SDK1: variants seen among roughly 807,000 people sequenced by gnomAD.
SDK1 encodes sidekick cell adhesion molecule 1.
A neutral mutation model predicts 245.5 loss-of-function variants in SDK1; 157 were observed. That is an observed-to-expected ratio of 0.64 (90% confidence interval 0.56 to 0.73). The LOEUF is 0.73. Among genes scored for constraint, SDK1 ranks in the 30% least tolerant of loss-of-function variants. The pLI is 0.00. For missense variants in SDK1, 3,583 were observed against 3,002.3 expected (o/e 1.19, Z -4.52); for synonymous variants, 1,647 against 1,278.5 (o/e 1.29, Z -6.15).
chr7:4,098,904 C>A (rs926538675), intron 22 of SDK1, among the ~76,000 whole-genome samples: 1 of 140,288 alleles, frequency 7.1e-6, no homozygotes, highest in African/African-American at 2.7e-5. Context: ...AATTCCTGAG[C>A]TCAAGCGATC....
At chr7:3,900,594 C>T (rs994389372) in intron 5 of SDK1, among the ~76,000 whole-genome samples, 1 of 152,158 alleles carries the variant, frequency 6.6e-6, no homozygotes, top group African/African-American at 2.4e-5. Flanking sequence ...TTTACCCTCC[C>T]TCTCTTTTTC....
At chr7:3,845,863 G>A (rs150928709) in intron 5 of SDK1, among the ~76,000 whole-genome samples, 19 of 152,298 alleles carry the variant, frequency 1.2e-4, no homozygotes, top group African/African-American at 4.3e-4. Flanking sequence ...TGAATTGGCA[G>A]CATAAACAGA....
At chr7:3,878,888 A>G (rs1427802581) in intron 5 of SDK1, among the ~76,000 whole-genome samples, 1 of 152,196 alleles carries the variant, frequency 6.6e-6, no homozygotes, top group Non-Finnish European at 1.5e-5. Flanking sequence ...ACAAATCTCA[A>G]CTGAATGAAC....
intron 13 of SDK1, among the ~76,000 whole-genome samples, chr7:3,985,435 T>C (rs1019007719): frequency 6.6e-6 from 1 of 152,186 alleles, no homozygotes; most frequent in African/African-American, 2.4e-5. Context: ...AGGAGTAGAA[T>C]TGATAACTGG....
chr7:3,443,513 A>G (rs184563771), intron 1 of SDK1, among the ~76,000 whole-genome samples: 24 of 152,292 alleles, frequency 1.6e-4, no homozygotes, highest in African/African-American at 5.5e-4. Flanking sequence ...AGATGATGTG[A>G]TCTGATTTTG....
At chr7:3,896,146 A>G (rs1781599507) in intron 5 of SDK1, among the ~76,000 whole-genome samples, 1 of 152,098 alleles carries the variant, frequency 6.6e-6, no homozygotes. Flanking sequence ...AGTTTTAAAG[A>G]CATTTTAAAA....
chr7:3,712,108 C>G (rs1785067038), intron 4 of SDK1, among the ~76,000 whole-genome samples: 1 of 152,100 alleles, frequency 6.6e-6, no homozygotes, highest in Non-Finnish European at 1.5e-5. Flanking sequence ...CCAGGCCAGT[C>G]CATGGCCTGT....
At chr7:4,128,714 C>T in intron 26 of SDK1, among the ~76,000 whole-genome samples, 1 of 127,556 alleles carries the variant, frequency 7.8e-6, no homozygotes, top group Non-Finnish European at 1.6e-5. Flanking sequence ...AATAGAGCAG[C>T]TTGGGGTAGG....
At chr7:3,302,628 C>G (rs948312409) in intron 1 of SDK1, among the ~76,000 whole-genome samples, 3 of 151,752 alleles carry the variant, frequency 2.0e-5, no homozygotes, top group Admixed American at 6.6e-5. Flanking sequence ...TCCCCGCCCC[C>G]GACAAAACCC....
intron 1 of SDK1, chr7:3,338,609 T>A: frequency 5.0e-6 from 1 of 200,838 alleles, no homozygotes; most frequent in Non-Finnish European, 9.6e-6. Flanking sequence ...TGATAGGTGT[T>A]AAAAACAAAC....
chr7:3,310,250 C>T (rs1320767058), intron 1 of SDK1, among the ~76,000 whole-genome samples: 1 of 152,160 alleles, frequency 6.6e-6, no homozygotes, highest in East Asian at 1.9e-4. Flanking sequence ...GTGCTGAGTC[C>T]AAAATCTGTG....
intron 5 of SDK1, among the ~76,000 whole-genome samples, chr7:3,869,637 C>G (rs1217420118): frequency 6.6e-6 from 1 of 152,116 alleles, no homozygotes; most frequent in Non-Finnish European, 1.5e-5. Context: ...TTCCACAGGC[C>G]ACATCTATTT....
At chr7:3,808,081 C>G (rs140057894) in intron 4 of SDK1, among the ~76,000 whole-genome samples, 422 of 152,282 alleles carry the variant, frequency 2.8e-3, no homozygotes, top group Non-Finnish European at 4.3e-3. Context: ...ATCTCTGGAT[C>G]CAAACCTTGA....
intron 4 of SDK1, among the ~76,000 whole-genome samples, chr7:3,796,492 T>C (rs112732884): frequency 1.3e-5 from 2 of 152,160 alleles, no homozygotes; most frequent in East Asian, 1.9e-4. Flanking sequence ...AGAGCAGTGC[T>C]GGTCCCATTC....
chr7:3,718,439 T>C (rs1196502866), intron 4 of SDK1, among the ~76,000 whole-genome samples: 2 of 151,196 alleles, frequency 1.3e-5, no homozygotes, highest in Admixed American at 1.3e-4. Context: ...GCCCCGGAGG[T>C]TGAGGCCCGG....
chr7:3,941,881 G>A (rs913247539), intron 5 of SDK1, among the ~76,000 whole-genome samples: 8 of 151,388 alleles, frequency 5.3e-5, no homozygotes, highest in Admixed American at 2.6e-4. Flanking sequence ...ATAACCAGCC[G>A]TGGTATATTT....
chr7:3,945,316 G>C (rs1319315321), intron 5 of SDK1, among the ~76,000 whole-genome samples: 1 of 152,164 alleles, frequency 6.6e-6, no homozygotes, highest in African/African-American at 2.4e-5. Flanking sequence ...GAAGTCGTCA[G>C]TTGACATCTC....
At chr7:3,413,897 C>T (rs1449109711) in intron 1 of SDK1, among the ~76,000 whole-genome samples, 1 of 152,102 alleles carries the variant, frequency 6.6e-6, no homozygotes, top group African/African-American at 2.4e-5. Context: ...TGCTTGAGCC[C>T]AGGAGTTCAA....
At chr7:3,930,288 C>T (rs1021871191) in intron 5 of SDK1, among the ~76,000 whole-genome samples, 2 of 152,142 alleles carry the variant, frequency 1.3e-5, no homozygotes, top group East Asian at 1.9e-4. Flanking sequence ...TCGAATAACT[C>T]AGAACTAGAC....
Sources: gnomAD v4.1 joint callset for allele counts (sites outside exome capture counted in the v4.1 genomes callset) on GRCh38, gnomAD v4.1.1 for gene constraint, MANE v1.5 for transcripts, NCBI Gene and HGNC (gene_info 2026-07-23, HGNC 2026-07-21) for gene names.